Variants in SMYD3 observed in about 807,000 individuals in gnomAD.
SMYD3 encodes SET and MYND domain containing 3.
Under a neutral mutation model 57.7 loss-of-function variants are expected in SMYD3, and 36 were observed. That is an observed-to-expected ratio of 0.62 (90% CI 0.48 to 0.82). The LOEUF (loss-of-function observed/expected upper bound fraction) is 0.82, where lower values mean the gene tolerates loss of function less well. Ranked by LOEUF, SMYD3 falls within the 40% of genes least tolerant of loss-of-function variation. The pLI is 0.00. For synonymous variants in SMYD3, 211 were observed against 195.0 expected, an observed-to-expected ratio of 1.08 and a Z score of -0.68; for missense variants, 515 against 538.8, an observed-to-expected ratio of 0.96 and a Z score of 0.44.
chr1:245,794,859 A>T (rs375753441), intron 10 of SMYD3, among the ~76,000 whole-genome samples: 105 of 152,046 alleles, frequency 6.9e-4, no homozygotes, highest in African/African-American at 2.5e-3. Context: ...CTTGTTTCAC[A>T]TATGTTTGTC....
intron 1 of SMYD3, among the ~76,000 whole-genome samples, chr1:246,379,992 A>G (rs2066361437): frequency 6.6e-6 from 1 of 150,998 alleles, no homozygotes; most frequent in African/African-American, 2.4e-5. Flanking sequence ...TGAGGATCAG[A>G]GCAACACTCT....
intron 10 of SMYD3, among the ~76,000 whole-genome samples, chr1:245,798,930 C>A (rs2148228721): frequency 6.6e-6 from 1 of 152,314 alleles, no homozygotes; most frequent in South Asian, 2.1e-4. Flanking sequence ...CTGCTTCCAA[C>A]TGGACTCACT....
intron 10 of SMYD3, among the ~76,000 whole-genome samples, chr1:245,810,595 A>C (rs1037621062): frequency 6.6e-6 from 1 of 152,130 alleles, no homozygotes; most frequent in Non-Finnish European, 1.5e-5. Flanking sequence ...GGAGTGATTC[A>C]AGAACTGATC....
rs73142870 is a variant in SMYD3, at chr1:246,296,592, C to T, written c.531+30609G>A. On this transcript the variant is annotated intron_variant, in intron 5 of 11. Coordinates refer to ENST00000490107, the MANE Select transcript of SMYD3 (RefSeq NM_001167740.2). Reference sequence around the variant, plus strand: ...AAAATAACTAAATTATTTTCTGAAACAGCCTTGAACATTGTGTGTAATCTC... The same window carrying T: ...AAAATAACTAAATTATTTTCTGAAATAGCCTTGAACATTGTGTGTAATCTC... Among the ~76,000 whole-genome samples, 1,496 of 151,960 alleles carry T rather than the reference C, an allele frequency of 9.8e-3. 25 individuals carry two copies. The highest frequency in any genetic ancestry group is 0.035 in the African/African-American group (1,433 of 41,476).
chr1:246,161,559 A>T (rs566828385), intron 5 of SMYD3, among the ~76,000 whole-genome samples: 1 of 152,148 alleles, frequency 6.6e-6, no homozygotes, highest in Non-Finnish European at 1.5e-5. Context: ...CCACCTTGGT[A>T]TATCATGCTC....
intron 5 of SMYD3, among the ~76,000 whole-genome samples, chr1:245,949,691 C>T (rs2057551919): frequency 6.6e-6 from 1 of 152,090 alleles, no homozygotes; most frequent in African/African-American, 2.4e-5. Context: ...CACCTGTAGT[C>T]CCAGATACTT....
At chr1:246,346,295 C>T (rs2065715096) in intron 2 of SMYD3, among the ~76,000 whole-genome samples, 1 of 151,910 alleles carries the variant, frequency 6.6e-6, no homozygotes. Flanking sequence ...AAAAAACAAA[C>T]AAACTAAAAA....
chr1:246,185,915 T>A (rs1179549822), intron 5 of SMYD3, among the ~76,000 whole-genome samples: 1 of 152,154 alleles, frequency 6.6e-6, no homozygotes, highest in Non-Finnish European at 1.5e-5. Context: ...ACCTAAATAT[T>A]AACAAACTTA....
At chr1:246,262,767 T>A (rs1451244786) in intron 5 of SMYD3, among the ~76,000 whole-genome samples, 1 of 152,194 alleles carries the variant, frequency 6.6e-6, no homozygotes, top group South Asian at 2.1e-4. Flanking sequence ...AACATTTACA[T>A]AGAAATTTGG....
chr1:246,127,624 G>A (rs964808642), intron 5 of SMYD3, among the ~76,000 whole-genome samples: 2 of 152,190 alleles, frequency 1.3e-5, no homozygotes, highest in East Asian at 1.9e-4. Context: ...GGCTGGGTGC[G>A]GTGAATCACG....
chr1:246,385,526 G>GGTCCT (rs1303427505), intron 1 of SMYD3, among the ~76,000 whole-genome samples: 4 of 152,004 alleles, frequency 2.6e-5, no homozygotes, highest in Admixed American at 2.6e-4. Context: ...ATATTCCTAG[G>GGTCCT]AGAGAAAGGA....
chr1:246,377,508 T>C (rs1433793525), intron 1 of SMYD3, among the ~76,000 whole-genome samples: 4 of 151,468 alleles, frequency 2.6e-5, no homozygotes, highest in Admixed American at 2.6e-4. Context: ...TAGCTGGGAG[T>C]ACAGGTACCT....
intron 5 of SMYD3, 71 bp from the exon 6 acceptor site, chr1:245,930,008 A>C: frequency 7.4e-7 from 1 of 1,342,394 alleles, no homozygotes; most frequent in Non-Finnish European, 1.1e-6. Flanking sequence ...GAGAATAAAA[A>C]ACGTTCAAAC....
chr1:246,354,985 G>A (rs776195271), intron 2 of SMYD3, 46 bp downstream of exon 2: 28 of 1,562,114 alleles, frequency 1.8e-5, no homozygotes, highest in Non-Finnish European at 2.4e-5. Flanking sequence ...AAATTTAAGA[G>A]TAAAGAATTT....
At chr1:245,786,493 T>A (rs1236597396) in intron 10 of SMYD3, among the ~76,000 whole-genome samples, 1 of 152,128 alleles carries the variant, frequency 6.6e-6, no homozygotes, top group African/African-American at 2.4e-5. Flanking sequence ...GAACTCAGCC[T>A]GTGCTTCCTG....
At chr1:245,817,235 G>A (rs1176895280) in intron 10 of SMYD3, among the ~76,000 whole-genome samples, 1 of 143,616 alleles carries the variant, frequency 7.0e-6, no homozygotes, top group Non-Finnish European at 1.5e-5. Context: ...GTGGGTCCCT[G>A]ACCCCTGACC....
chr1:246,259,268 T>C (rs140903413), intron 5 of SMYD3, among the ~76,000 whole-genome samples: 29 of 152,350 alleles, frequency 1.9e-4, no homozygotes, highest in African/African-American at 6.0e-4. Context: ...TTTGGTGGTG[T>C]TACTACATTC....
intron 5 of SMYD3, among the ~76,000 whole-genome samples, chr1:246,180,674 G>A (rs1471203795): frequency 4.8e-5 from 7 of 144,706 alleles, no homozygotes; most frequent in African/African-American, 1.8e-4. Context: ...CAGGAGAACA[G>A]CTTGAACCTG....
At chr1:246,345,432 T>C (rs2065698242) in intron 2 of SMYD3, among the ~76,000 whole-genome samples, 1 of 152,168 alleles carries the variant, frequency 6.6e-6, no homozygotes. Context: ...TTATTTGAAA[T>C]ACCTGGGACC....
Sources: allele counts gnomAD v4.1 joint callset (sites outside exome capture counted in the v4.1 genomes callset), GRCh38; gene constraint gnomAD v4.1.1; transcripts MANE v1.5; gene names NCBI Gene and HGNC (gene_info 2026-07-23, HGNC 2026-07-21).